CAMKMT: variants seen among roughly 807,000 people sequenced by gnomAD.
CAMKMT encodes calmodulin-lysine N-methyltransferase.
CAMKMT carries 53 observed loss-of-function variants against 48.0 expected under a neutral mutation model. The ratio of observed to expected loss-of-function variants is 1.10; its 90% CI spans 0.89 to 1.39. The LOEUF is 1.39. Among genes scored for constraint, CAMKMT ranks in the 40% most tolerant of loss-of-function variants. CAMKMT has a pLI of 0.00. For missense variants in CAMKMT, 428 were observed against 402.7 expected (o/e 1.06, Z -0.54); for synonymous variants, 165 against 152.3 (o/e 1.08, Z -0.61).
chr2:44,764,294 G>A (rs979181566), intron 9 of CAMKMT, among the ~76,000 whole-genome samples: 1 of 152,188 alleles, frequency 6.6e-6, no homozygotes. Context: ...TTTCTTACGG[G>A]TAAGTGAGGG....
At chr2:44,623,842 T>A (rs1672331690) in intron 3 of CAMKMT, among the ~76,000 whole-genome samples, 1 of 152,220 alleles carries the variant, frequency 6.6e-6, no homozygotes, top group South Asian at 2.1e-4. Flanking sequence ...CCATGTATTG[T>A]CACTATAGTT....
At chr2:44,547,512 C>T (rs1037752454) in intron 3 of CAMKMT, among the ~76,000 whole-genome samples, 2 of 152,042 alleles carry the variant, frequency 1.3e-5, no homozygotes, top group Admixed American at 6.5e-5. Flanking sequence ...GCCTGGGCAA[C>T]ATAGTAAGAC....
chr2:44,372,420 C>T (rs1002783361), intron 1 of CAMKMT, among the ~76,000 whole-genome samples: 4 of 149,658 alleles, frequency 2.7e-5, no homozygotes, highest in Non-Finnish European at 5.9e-5. Context: ...AGCTGGGTGA[C>T]AGGCTGGGTG....
intron 7 of CAMKMT, among the ~76,000 whole-genome samples, chr2:44,737,999 G>A (rs1573203565): frequency 2.0e-5 from 3 of 151,892 alleles, no homozygotes; most frequent in East Asian, 1.9e-4. Flanking sequence ...GGGATTACAG[G>A]TGCCCACCAT....
intron 2 of CAMKMT, among the ~76,000 whole-genome samples, chr2:44,384,749 C>T (rs1339153947): frequency 6.6e-6 from 1 of 151,970 alleles, no homozygotes; most frequent in Non-Finnish European, 1.5e-5. Flanking sequence ...TCCTTTCCCC[C>T]ACTTTTTGTT....
chr2:44,538,235 T>C (rs1370383085), intron 3 of CAMKMT, among the ~76,000 whole-genome samples: 1 of 151,858 alleles, frequency 6.6e-6, no homozygotes, highest in Non-Finnish European at 1.5e-5. Flanking sequence ...CAGGTGTGGT[T>C]GTGGGCACCT....
At chr2:44,388,997 G>A (rs1681051631) in intron 2 of CAMKMT, among the ~76,000 whole-genome samples, 1 of 152,178 alleles carries the variant, frequency 6.6e-6, no homozygotes. Context: ...CTGCTGGGAG[G>A]TGGTGCTTTC....
chr2:44,470,297 C>T (rs144543538), intron 3 of CAMKMT, among the ~76,000 whole-genome samples: 1 of 152,256 alleles, frequency 6.6e-6, no homozygotes, highest in Non-Finnish European at 1.5e-5. Context: ...CATTTCTTTG[C>T]TTTAATTCTA....
intron 3 of CAMKMT, among the ~76,000 whole-genome samples, chr2:44,490,536 A>G (rs552882501): frequency 6.6e-6 from 1 of 152,244 alleles, no homozygotes; most frequent in East Asian, 1.9e-4. Context: ...CGGCCTCCCA[A>G]AGTGCTGGGA....
intron 3 of CAMKMT, among the ~76,000 whole-genome samples, chr2:44,426,800 T>A (rs1404343782): frequency 6.6e-6 from 1 of 152,178 alleles, no homozygotes; most frequent in African/African-American, 2.4e-5. Flanking sequence ...CAATGTCACT[T>A]TTCACAGTAT....
At chr2:44,648,272 A>G (rs971070953) in intron 3 of CAMKMT, among the ~76,000 whole-genome samples, 6 of 152,184 alleles carry the variant, frequency 3.9e-5, no homozygotes, top group Non-Finnish European at 7.3e-5. Flanking sequence ...AGCAACAATT[A>G]CTCCTGCAGA....
At chr2:44,664,813 CA>C (rs889453186) in intron 3 of CAMKMT, among the ~76,000 whole-genome samples, 1 of 149,248 alleles carries the variant, frequency 6.7e-6, no homozygotes, top group Non-Finnish European at 1.5e-5. Context: ...AAGGAGATTT[CA>C]AAAAAAAAGC....
At chr2:44,751,309 T>C (rs912532466) in intron 8 of CAMKMT, among the ~76,000 whole-genome samples, 1 of 152,178 alleles carries the variant, frequency 6.6e-6, no homozygotes, top group African/African-American at 2.4e-5. Context: ...TACAATTAGA[T>C]GTGAGAGGCA....
chr2:44,642,505 G>T (rs1673502367), intron 3 of CAMKMT, among the ~76,000 whole-genome samples: 1 of 152,216 alleles, frequency 6.6e-6, no homozygotes, highest in African/African-American at 2.4e-5. Context: ...AATTTAGGGA[G>T]TGAACATGGT....
At chr2:44,722,176 C>CT (rs11323950) in intron 7 of CAMKMT, among the ~76,000 whole-genome samples, 259 of 115,452 alleles carry the variant, frequency 2.2e-3, no homozygotes, top group South Asian at 6.2e-3. Flanking sequence ...TTTCTTTTTT[C>CT]TTTTTTTTTT....
chr2:44,764,956 C>T (rs1680776174), intron 9 of CAMKMT, among the ~76,000 whole-genome samples: 1 of 152,080 alleles, frequency 6.6e-6, no homozygotes, highest in African/African-American at 2.4e-5. Flanking sequence ...GGCACGGTGG[C>T]TCATGCCTGT....
intron 7 of CAMKMT, among the ~76,000 whole-genome samples, chr2:44,732,367 T>C (rs1303205711): frequency 6.6e-6 from 1 of 152,264 alleles, no homozygotes; most frequent in East Asian, 1.9e-4. Flanking sequence ...AAGATTTTAA[T>C]ATTGTGATGA....
At chr2:44,402,129 C>T (rs1318694319) in intron 3 of CAMKMT, among the ~76,000 whole-genome samples, 1 of 152,078 alleles carries the variant, frequency 6.6e-6, no homozygotes, top group Non-Finnish European at 1.5e-5. Flanking sequence ...GCGTTCGAGA[C>T]CAGCCTGGCC....
At chr2:44,560,654 A>G (rs2103691933) in intron 3 of CAMKMT, among the ~76,000 whole-genome samples, 1 of 152,348 alleles carries the variant, frequency 6.6e-6, no homozygotes, top group Non-Finnish European at 1.5e-5. Context: ...CTAATATTAT[A>G]TAGTTTGAGG....
Sources: allele counts gnomAD v4.1 joint callset (sites outside exome capture counted in the v4.1 genomes callset), GRCh38; gene constraint gnomAD v4.1.1; transcripts MANE v1.5; gene names NCBI Gene and HGNC (gene_info 2026-07-23, HGNC 2026-07-21).